The following BTRC variants were observed in gnomAD, a reference collection of about 807,000 sequenced individuals.
BTRC encodes F-box/WD repeat-containing protein 1A.
BTRC carries 42 observed loss-of-function variants against 85.5 expected under a neutral mutation model. The ratio of observed to expected loss-of-function variants is 0.49; its 90% CI spans 0.38 to 0.64. BTRC has a LOEUF of 0.64. BTRC is among the 30% of genes least tolerant of loss of function. The pLI, the probability that BTRC is intolerant of heterozygous loss-of-function variation, is 0.00. For missense variants in BTRC, 594 were observed against 743.5 expected (o/e 0.80, Z 2.34); for synonymous variants, 255 against 263.3 (o/e 0.97, Z 0.30).
intron 1 of BTRC, among the ~76,000 whole-genome samples, chr10:101,377,918 G>A (rs1166946148): frequency 6.6e-6 from 1 of 151,656 alleles, no homozygotes; most frequent in Admixed American, 6.6e-5. Context: ...AACACTTGTG[G>A]CCTTTAATAA....
chr10:101,379,764 T>G (rs923683853), intron 1 of BTRC, among the ~76,000 whole-genome samples: 3 of 152,160 alleles, frequency 2.0e-5, no homozygotes, highest in Non-Finnish European at 4.4e-5. Flanking sequence ...TATATAAAAC[T>G]ATGTTTAGAC....
intron 5 of BTRC, among the ~76,000 whole-genome samples, chr10:101,523,575 A>C (rs2062151181): frequency 6.6e-6 from 1 of 152,188 alleles, no homozygotes; most frequent in Admixed American, 6.5e-5. Flanking sequence ...AAGTTATAGG[A>C]AACTTAGAAA....
At chr10:101,408,837 A>G (rs1480274605) in intron 1 of BTRC, among the ~76,000 whole-genome samples, 1 of 152,028 alleles carries the variant, frequency 6.6e-6, no homozygotes, top group Non-Finnish European at 1.5e-5. Context: ...ATCTGAGGTC[A>G]GGAGTTCAAG....
chr10:101,367,037 T>A (rs1485726660), intron 1 of BTRC, among the ~76,000 whole-genome samples: 2 of 65,238 alleles, frequency 3.1e-5, no homozygotes, highest in African/African-American at 5.0e-5. Context: ...TATATTTATA[T>A]ATATAAATAT....
At chr10:101,438,300 C>G (rs1301351928) in intron 2 of BTRC, among the ~76,000 whole-genome samples, 5 of 151,624 alleles carry the variant, frequency 3.3e-5, no homozygotes, top group Admixed American at 2.0e-4. Context: ...TGGTGGGCGC[C>G]TGTAGTCCCA....
intron 2 of BTRC, among the ~76,000 whole-genome samples, chr10:101,437,793 A>G (rs545960829): frequency 6.6e-6 from 1 of 152,260 alleles, no homozygotes; most frequent in South Asian, 2.1e-4. Flanking sequence ...CCAAAGGTGC[A>G]GTGTGTTCTT....
At chr10:101,535,985 T>C (rs922801207) in intron 11 of BTRC, among the ~76,000 whole-genome samples, 8 of 152,252 alleles carry the variant, frequency 5.3e-5, no homozygotes, top group African/African-American at 1.9e-4. Context: ...AGCTACTGTT[T>C]GTTATATCTA....
At chr10:101,391,377 G>A (rs1943232672) in intron 1 of BTRC, among the ~76,000 whole-genome samples, 1 of 152,180 alleles carries the variant, frequency 6.6e-6, no homozygotes, top group Non-Finnish European at 1.5e-5. Context: ...AGCAAATGGA[G>A]TTTATAATAC....
intron 4 of BTRC, among the ~76,000 whole-genome samples, chr10:101,505,643 ATAAT>A (rs1287830979): frequency 2.2e-4 from 33 of 147,518 alleles, no homozygotes; most frequent in Admixed American, 6.8e-4. Context: ...AAAAAAAATA[ATAAT>A]AAAAAAACAA....
chr10:101,360,474 G>A (rs1444947153), intron 1 of BTRC, among the ~76,000 whole-genome samples: 3 of 150,878 alleles, frequency 2.0e-5, no homozygotes, highest in Non-Finnish European at 4.4e-5. Flanking sequence ...CCCAGGTTCA[G>A]GCAATTCTCC....
chr10:101,484,360 G>A (rs977621601), intron 4 of BTRC, among the ~76,000 whole-genome samples: 4 of 152,170 alleles, frequency 2.6e-5, no homozygotes, highest in Non-Finnish European at 5.9e-5. Flanking sequence ...GCTGTTTTAC[G>A]AGCACAGAGT....
intron 1 of BTRC, among the ~76,000 whole-genome samples, chr10:101,389,117 G>GTTTTTTTTT (rs1169198314): frequency 4.0e-4 from 21 of 53,024 alleles, no homozygotes; most frequent in East Asian, 5.6e-4. Context: ...TTTTTTGTGT[G>GTTTTTTTTT]TGTTTTTTTT....
At chr10:101,504,466 A>C (rs1946468129) in intron 4 of BTRC, among the ~76,000 whole-genome samples, 1 of 149,994 alleles carries the variant, frequency 6.7e-6, no homozygotes. Context: ...CCAGCTCATC[A>C]TCTCTCCCCA....
At chr10:101,515,266 T>G (rs2062008356) in intron 4 of BTRC, among the ~76,000 whole-genome samples, 2 of 152,128 alleles carry the variant, frequency 1.3e-5, no homozygotes, top group African/African-American at 4.8e-5. Flanking sequence ...GTTTTTTTTA[T>G]TTTCAGGAAT....
At chr10:101,484,092 G>A (rs1945918725) in intron 4 of BTRC, among the ~76,000 whole-genome samples, 1 of 151,988 alleles carries the variant, frequency 6.6e-6, no homozygotes, top group Non-Finnish European at 1.5e-5. Flanking sequence ...TTTATGTTTG[G>A]GAAATAAACC....
At chr10:101,360,843 T>G (rs1590197234) in intron 1 of BTRC, among the ~76,000 whole-genome samples, 1 of 152,162 alleles carries the variant, frequency 6.6e-6, no homozygotes, top group Non-Finnish European at 1.5e-5. Context: ...TATTTTATTT[T>G]ATTTGGGCGC....
rs1554881061 is a variant in BTRC at position 101,455,983 on chromosome 10, A to ACACACACACACACACACACACAC, written c.157-5998_157-5997insCACACACACACACACACACACAC. On this transcript the variant is annotated intron_variant, in intron 2 of 14. Coordinates refer to ENST00000370187, the MANE Select transcript of BTRC (RefSeq NM_033637.4). ...ATGGTGAAACTCTGTCTCTACTAAA[A>ACACACACACACACACACACACAC]ACACACACACACACACACACACACA... Among the ~76,000 whole-genome samples the ACACACACACACACACACACACAC allele has an allele frequency of 3.7e-3, 354 of 96,016 alleles. 2 individuals are homozygous for ACACACACACACACACACACACAC. Among genetic ancestry groups the ACACACACACACACACACACACAC allele is most frequent in the Middle Eastern group, 0.011 (2 of 190 alleles). The allele number at this position is 96,016 out of a possible 152,430, so 63.0% of individuals were successfully genotyped here.
At position 101,488,411 on chromosome 10, in the gene BTRC, TTA is replaced by T. The variant is rs755902428; in HGVS notation, c.324+8957_324+8958del. Among the ~76,000 whole-genome samples, 5 of 152,158 alleles carry T rather than the reference TTA, an allele frequency of 3.3e-5. No individual in the cohort carries two copies. In the East Asian group the frequency reaches 9.6e-4, roughly 29 times the overall value. On this transcript the variant is annotated intron_variant, in intron 4 of 14. Coordinates refer to ENST00000370187, the MANE Select transcript of BTRC (RefSeq NM_033637.4). ...ACTGAATATCAATCAAGTAAGGTGT[TTA>T]TAGGAGGAAGAAGGAGAAAATCTAG...
chr10:101,540,971 T>G (rs962130999), intron 13 of BTRC, among the ~76,000 whole-genome samples: 2 of 152,248 alleles, frequency 1.3e-5, no homozygotes, highest in African/African-American at 4.8e-5. Context: ...CCTAAATATT[T>G]TGTATTTTTA....
Sources: gnomAD v4.1 joint callset for allele counts (sites outside exome capture counted in the v4.1 genomes callset) on GRCh38, gnomAD v4.1.1 for gene constraint, MANE v1.5 for transcripts, NCBI Gene and HGNC (gene_info 2026-07-23, HGNC 2026-07-21) for gene names.